OLA1: variants seen among roughly 807,000 people sequenced by gnomAD.
OLA1 encodes the protein obg-like ATPase 1.
Under a neutral mutation model 48.4 loss-of-function variants are expected in OLA1, and 14 were observed. The observed-to-expected ratio is 0.29, with a 90% confidence interval of 0.19 to 0.45. The LOEUF is 0.45. Among genes scored for constraint, OLA1 ranks in the 20% least tolerant of loss-of-function variants. The pLI, the probability that OLA1 is intolerant of heterozygous loss-of-function variation, is 1.00. For missense variants in OLA1, 325 were observed against 467.1 expected, an observed-to-expected ratio of 0.70 and a Z score of 2.80; for synonymous variants, 127 against 150.4, an observed-to-expected ratio of 0.84 and a Z score of 1.14.
Position 174,215,603 on chromosome 2 carries a change from T to C in OLA1, c.373+7430A>G, listed in dbSNP as rs369237330. Among the ~76,000 whole-genome samples the C allele has an allele frequency of 5.9e-5, 9 of 152,202 alleles. 1 individual carries two copies. In the East Asian group the frequency reaches 7.7e-4, roughly 13 times the overall value. On this transcript the variant is annotated intron_variant, in intron 4 of 10. Transcript: ENST00000284719. Reference sequence around the variant, plus strand: ...ATGCCATGCATGCATAAAATATACATAGATACTTGTCAATTTTATCACTTA... The same window carrying C: ...ATGCCATGCATGCATAAAATATACACAGATACTTGTCAATTTTATCACTTA...
chr2:174,143,571 C>A (rs1185200428), intron 4 of OLA1, among the ~76,000 whole-genome samples: 2 of 152,170 alleles, frequency 1.3e-5, no homozygotes, highest in Non-Finnish European at 2.9e-5. Context: ...GGTCCAAAGA[C>A]TAACCATAGT....
At chr2:174,131,432 T>A (rs940410259) in intron 5 of OLA1, among the ~76,000 whole-genome samples, 2 of 152,176 alleles carry the variant, frequency 1.3e-5, no homozygotes, top group East Asian at 3.8e-4. Flanking sequence ...CTTGTACATA[T>A]ATTTTGGTAA....
At chr2:174,179,512 A>G (rs997045343) in intron 4 of OLA1, among the ~76,000 whole-genome samples, 2 of 152,006 alleles carry the variant, frequency 1.3e-5, no homozygotes, top group African/African-American at 4.8e-5. Context: ...CAGTTACGGA[A>G]CCTGTAAATA....
chr2:174,170,780 TG>T (rs1259344752), intron 4 of OLA1, among the ~76,000 whole-genome samples: 1 of 152,128 alleles, frequency 6.6e-6, no homozygotes, highest in Admixed American at 6.5e-5. Context: ...GACATGAGCC[TG>T]TAGTCCCACT....
At chr2:174,237,460 A>G (rs958735285) in intron 2 of OLA1, among the ~76,000 whole-genome samples, 1 of 152,146 alleles carries the variant, frequency 6.6e-6, no homozygotes, top group African/African-American at 2.4e-5. Flanking sequence ...CATAAAAATT[A>G]CAGTATAGGC....
At chr2:174,148,785 C>T (rs966582219) in intron 4 of OLA1, among the ~76,000 whole-genome samples, 1 of 152,132 alleles carries the variant, frequency 6.6e-6, no homozygotes, top group Non-Finnish European at 1.5e-5. Context: ...ACAACATCAC[C>T]CCTTCTACTA....
Position 174,081,997 on chromosome 2 carries a change from C to T in OLA1, c.796G>A (p.Ala266Thr), listed in dbSNP as rs145357368. The T allele has an allele frequency of 4.6e-4, 740 of 1,613,220 alleles. No individual in the cohort carries two copies. Among genetic ancestry groups the T allele is most frequent in the Non-Finnish European group, 5.8e-4 (681 of 1,179,416 alleles). ...AATTCTTGCAACTTGAGTTCCAAGG[C>T]CCCACTAAAAGGAATGACCAAAGCA... Reference protein sequence around the residue: ...PGALVIPFSGALELKLQELSA... With the variant: ...PGALVIPFSGTLELKLQELSA... Residue 266 changes from alanine to threonine, a missense_variant, in exon 8 of 11, where the codon GCC becomes ACC. Ala to Thr is a moderately conservative substitution (Grantham distance 58, BLOSUM62 0). Transcript: ENST00000284719.
chr2:174,152,932 A>G (rs1432303713), intron 4 of OLA1, among the ~76,000 whole-genome samples: 2 of 152,226 alleles, frequency 1.3e-5, no homozygotes, highest in Non-Finnish European at 2.9e-5. Flanking sequence ...AGTAGCCAGA[A>G]GAATGTGCTT....
chr2:174,121,780 T>A (rs1425313453), intron 7 of OLA1, among the ~76,000 whole-genome samples: 1 of 152,140 alleles, frequency 6.6e-6, no homozygotes, highest in Non-Finnish European at 1.5e-5. Flanking sequence ...ACCATTAGGG[T>A]CTGGGAAATG....
At chr2:174,248,089 C>A (rs1689168476) in intron 1 of OLA1, 1 of 231,680 alleles carries the variant, frequency 4.3e-6, no homozygotes, top group African/African-American at 2.2e-5. Flanking sequence ...CTGGCCAACT[C>A]CCAGGCCTCC....
chr2:174,238,751 T>C (rs2105463764), intron 2 of OLA1, among the ~76,000 whole-genome samples: 1 of 152,176 alleles, frequency 6.6e-6, no homozygotes, highest in South Asian at 2.1e-4. Flanking sequence ...TATATCTAAA[T>C]AAAAATTTAT....
At chr2:174,137,086 T>C (rs998736544) in intron 5 of OLA1, among the ~76,000 whole-genome samples, 1 of 152,222 alleles carries the variant, frequency 6.6e-6, no homozygotes, top group Admixed American at 6.5e-5. Context: ...TGAAATGTAT[T>C]TCTTAAATAA....
At chr2:174,188,686 G>A (rs1291844481) in intron 4 of OLA1, among the ~76,000 whole-genome samples, 6 of 152,086 alleles carry the variant, frequency 3.9e-5, no homozygotes, top group Non-Finnish European at 8.8e-5. Flanking sequence ...TGTCCCCATG[G>A]GTGGCTGAGA....
intron 7 of OLA1, among the ~76,000 whole-genome samples, chr2:174,088,420 T>A (rs577530893): frequency 6.6e-6 from 1 of 152,336 alleles, no homozygotes; most frequent in East Asian, 1.9e-4. Flanking sequence ...CCTGTAAACC[T>A]GTTATAGCAG....
intron 7 of OLA1, among the ~76,000 whole-genome samples, chr2:174,113,123 T>A (rs1266715699): frequency 3.3e-5 from 5 of 151,970 alleles, no homozygotes; most frequent in African/African-American, 1.2e-4. Flanking sequence ...TTGTATTTTT[T>A]AAGTAGAGAT....
At chr2:174,151,013 T>C (rs956688651) in intron 4 of OLA1, among the ~76,000 whole-genome samples, 3 of 152,152 alleles carry the variant, frequency 2.0e-5, no homozygotes, top group Non-Finnish European at 4.4e-5. Context: ...GGAGAGTTGA[T>C]CACAGTGAGA....
intron 7 of OLA1, among the ~76,000 whole-genome samples, chr2:174,111,898 T>A (rs1685660213): frequency 6.6e-6 from 1 of 152,190 alleles, no homozygotes; most frequent in South Asian, 2.1e-4. Context: ...AATATAAAAA[T>A]ATATAAACTC....
chr2:174,181,131 A>T (rs994532363), intron 4 of OLA1, among the ~76,000 whole-genome samples: 1 of 152,196 alleles, frequency 6.6e-6, no homozygotes, highest in South Asian at 2.1e-4. Context: ...CAAATAATAA[A>T]AAAAAACATG....
At position 174,074,052 on chromosome 2, in the gene OLA1, T is replaced by A. The variant is rs1684668973; in HGVS notation, c.*1374A>T. ...CCTCATCCTCTTTAAATATCTTAAGTATAGCCAAATCTTTAAAAAATCACC... is the reference window on the plus strand; with the variant it reads ...CCTCATCCTCTTTAAATATCTTAAGAATAGCCAAATCTTTAAAAAATCACC... On this transcript the variant is annotated 3_prime_UTR_variant, in exon 11 of 11. Coordinates refer to ENST00000284719, the MANE Select transcript of OLA1 (RefSeq NM_013341.5). 1 of 152,196 alleles carries A rather than the reference T, an allele frequency of 6.6e-6. No homozygotes were observed. Among genetic ancestry groups the A allele is most frequent in the Non-Finnish European group, 1.5e-5 (1 of 68,024 alleles). 9.4% of individuals were successfully genotyped at this position (152,196 alleles called of 1,614,324 possible).
Sources: allele counts gnomAD v4.1 joint callset (sites outside exome capture counted in the v4.1 genomes callset), GRCh38; gene constraint gnomAD v4.1.1; transcripts MANE v1.5; gene names NCBI Gene and HGNC (gene_info 2026-07-23, HGNC 2026-07-21).